FRS2: variants seen among roughly 807,000 people sequenced by gnomAD.
FRS2 encodes fibroblast growth factor receptor substrate 2.
A neutral mutation model predicts 43.9 loss-of-function variants in FRS2; 8 were observed. That is an observed-to-expected ratio of 0.18 (90% CI 0.11 to 0.33). The LOEUF (loss-of-function observed/expected upper bound fraction) is 0.33. Among genes scored for constraint, FRS2 ranks in the 10% least tolerant of loss-of-function variants. The pLI is 1.00. For missense variants in FRS2, 534 were observed against 627.6 expected (o/e 0.85, Z 1.59); for synonymous variants, 219 against 220.3 (o/e 0.99, Z 0.05).
At chr12:69,547,143 T>C (rs1463218512) in intron 3 of FRS2, among the ~76,000 whole-genome samples, 2 of 152,136 alleles carry the variant, frequency 1.3e-5, no homozygotes, top group Non-Finnish European at 2.9e-5. Context: ...TGATTCTACT[T>C]ATGTGAAGGA....
chr12:69,573,959 T>C, intron 8 of FRS2, 46 bp from the exon 9 acceptor site: 1 of 1,321,030 alleles, frequency 7.6e-7, no homozygotes, highest in Non-Finnish European at 1.0e-6. Flanking sequence ...TTTTCAGTTT[T>C]GTTTTTTTAA....
chr12:69,568,552 G>GCTGTCTCTCTCTCTCTCTCT (rs1555193975), intron 4 of FRS2, among the ~76,000 whole-genome samples: 1 of 149,766 alleles, frequency 6.7e-6, no homozygotes, highest in Non-Finnish European at 1.5e-5. Context: ...TGTGTCTCTG[G>GCTGTCTCTCTCTCTCTCTCT]CTGTCTCTCT....
chr12:69,493,457 A>G (rs1381874590), intron 1 of FRS2, among the ~76,000 whole-genome samples: 1 of 152,240 alleles, frequency 6.6e-6, no homozygotes, highest in East Asian at 1.9e-4. Flanking sequence ...GCGATGGCTC[A>G]CGCCTGTGAT....
At chr12:69,540,622 T>TAC (rs1877819619) in intron 3 of FRS2, among the ~76,000 whole-genome samples, 3 of 152,180 alleles carry the variant, frequency 2.0e-5, no homozygotes, top group Non-Finnish European at 4.4e-5. Context: ...AAATAATGTA[T>TAC]GTCAATACTC....
At chr12:69,520,490 C>T (rs747088386) in intron 1 of FRS2, among the ~76,000 whole-genome samples, 7 of 151,252 alleles carry the variant, frequency 4.6e-5, no homozygotes, top group African/African-American at 9.7e-5. Flanking sequence ...AAATCTTTGC[C>T]GGTTCCTATG....
chr12:69,541,764 G>T (rs1250599682), intron 3 of FRS2, among the ~76,000 whole-genome samples: 1 of 147,790 alleles, frequency 6.8e-6, no homozygotes, highest in Non-Finnish European at 1.5e-5. Context: ...GGTGGAGGTT[G>T]CAGTGAGCCG....
At chr12:69,473,784 G>A (rs955914497) in intron 1 of FRS2, among the ~76,000 whole-genome samples, 4 of 152,144 alleles carry the variant, frequency 2.6e-5, no homozygotes, top group South Asian at 2.1e-4. Context: ...CCTCAATGTC[G>A]TAGGTGGGTG....
At chr12:69,528,400 TCCCAAACAG>T (rs1302357428) in intron 1 of FRS2, among the ~76,000 whole-genome samples, 2 of 152,134 alleles carry the variant, frequency 1.3e-5, no homozygotes, top group African/African-American at 4.8e-5. Flanking sequence ...TATAATATAA[TCCCAAACAG>T]AAATCCCTAA....
chr12:69,518,982 A>G (rs489582), intron 1 of FRS2, among the ~76,000 whole-genome samples: 29,913 of 148,842 alleles, frequency 0.2, 3,860 homozygotes, highest in Admixed American at 0.29. Flanking sequence ...GGCAACAAGA[A>G]CAAAACTCCG....
At chr12:69,524,594 A>G (rs1033620082) in intron 1 of FRS2, among the ~76,000 whole-genome samples, 3 of 152,018 alleles carry the variant, frequency 2.0e-5, no homozygotes, top group Non-Finnish European at 4.4e-5. Context: ...GTTCACGTCA[A>G]ACTGGCCCTG....
At chr12:69,524,363 A>T (rs1461112281) in intron 1 of FRS2, among the ~76,000 whole-genome samples, 2 of 151,796 alleles carry the variant, frequency 1.3e-5, no homozygotes, top group African/African-American at 2.4e-5. Flanking sequence ...GCTGTGGGCT[A>T]GTGCTTGTAG....
chr12:69,514,546 A>G (rs958359099), intron 1 of FRS2, among the ~76,000 whole-genome samples: 3 of 152,054 alleles, frequency 2.0e-5, no homozygotes, highest in Middle Eastern at 3.2e-3. Context: ...ATAAGACGGG[A>G]GGATGGCCAG....
chr12:69,557,020 A>G (rs571509637), intron 3 of FRS2, among the ~76,000 whole-genome samples: 74 of 152,232 alleles, frequency 4.9e-4, no homozygotes, highest in Non-Finnish European at 9.7e-4. Context: ...ATTAAGAACA[A>G]CTTGGCATTT....
chr12:69,521,612 T>G (rs1351254996), intron 1 of FRS2, among the ~76,000 whole-genome samples: 1 of 151,850 alleles, frequency 6.6e-6, no homozygotes, highest in Non-Finnish European at 1.5e-5. Context: ...TTGTTTTTTG[T>G]TTTTTGTTTT....
intron 1 of FRS2, among the ~76,000 whole-genome samples, chr12:69,507,910 G>A (rs1022303956): frequency 1.3e-5 from 2 of 151,268 alleles, no homozygotes; most frequent in East Asian, 3.9e-4. Context: ...TGTAATCCCA[G>A]CTACTCAGGA....
chr12:69,506,647 G>GTT (rs1565732863), intron 1 of FRS2, among the ~76,000 whole-genome samples: 1 of 151,930 alleles, frequency 6.6e-6, no homozygotes, highest in Non-Finnish European at 1.5e-5. Flanking sequence ...CTTCTTTCAA[G>GTT]CCCTCTATTA....
intron 3 of FRS2, among the ~76,000 whole-genome samples, chr12:69,532,634 C>A (rs1565752622): frequency 6.6e-6 from 1 of 152,192 alleles, no homozygotes; most frequent in Non-Finnish European, 1.5e-5. Flanking sequence ...TCTCTTAATA[C>A]TATCACATTG....
intron 1 of FRS2, among the ~76,000 whole-genome samples, chr12:69,500,080 G>A (rs761389011): frequency 2.2e-4 from 34 of 152,100 alleles, no homozygotes; most frequent in Non-Finnish European, 3.7e-4. Flanking sequence ...TATTGGTACC[G>A]TAAATGGAAA....
intron 3 of FRS2, among the ~76,000 whole-genome samples, chr12:69,538,555 T>G (rs1227145888): frequency 2.0e-5 from 3 of 150,518 alleles, no homozygotes; most frequent in African/African-American, 7.5e-5. Flanking sequence ...TAAGCTAAAA[T>G]AAAATGTTTA....
Sources: gnomAD v4.1 joint callset for allele counts (sites outside exome capture counted in the v4.1 genomes callset) on GRCh38, gnomAD v4.1.1 for gene constraint, MANE v1.5 for transcripts, NCBI Gene and HGNC (gene_info 2026-07-23, HGNC 2026-07-21) for gene names.